Variants in BATF observed in about 807,000 individuals in gnomAD.
BATF encodes the protein basic leucine zipper ATF-like transcription factor.
Under a neutral mutation model 13.7 loss-of-function variants are expected in BATF, and 5 were observed. The ratio of observed to expected loss-of-function variants is 0.36; its 90% confidence interval spans 0.19 to 0.77. The LOEUF (loss-of-function observed/expected upper bound fraction) is 0.77. Ranked by LOEUF, BATF falls within the 30% of genes least tolerant of loss-of-function variation. BATF has a pLI of 0.51. For missense variants in BATF, 124 were observed against 163.0 expected, an observed-to-expected ratio of 0.76 and a Z score of 1.30; for synonymous variants, 72 against 67.5, an observed-to-expected ratio of 1.07 and a Z score of -0.33.
intron 2 of BATF, among the ~76,000 whole-genome samples, chr14:75,525,429 A>G (rs1212916084): frequency 1.3e-5 from 2 of 151,858 alleles, no homozygotes; most frequent in African/African-American, 4.8e-5. Context: ...TTGGGAGGCC[A>G]AGGCGGGTGG....
At chr14:75,530,030 C>G (rs531638289) in intron 2 of BATF, among the ~76,000 whole-genome samples, 21 of 144,160 alleles carry the variant, frequency 1.5e-4, no homozygotes, top group Non-Finnish European at 2.1e-4. Flanking sequence ...CGCCACTGCA[C>G]TCCAGCCTGG....
intron 2 of BATF, among the ~76,000 whole-genome samples, chr14:75,544,256 A>T (rs1455669118): frequency 1.3e-5 from 2 of 152,032 alleles, no homozygotes; most frequent in Non-Finnish European, 2.9e-5. Context: ...AAAAAAAATT[A>T]TTATTATTTT....
chr14:75,526,300 C>G (rs1887653928), intron 2 of BATF, among the ~76,000 whole-genome samples: 1 of 152,208 alleles, frequency 6.6e-6, no homozygotes, highest in South Asian at 2.1e-4. Context: ...TTCTCTCCAT[C>G]CCCTCATCCC....
chr14:75,539,575 C>T (rs1887866940), intron 2 of BATF, among the ~76,000 whole-genome samples: 1 of 151,814 alleles, frequency 6.6e-6, no homozygotes, highest in Admixed American at 6.6e-5. Flanking sequence ...TCTTGAAAAC[C>T]AAGGACCAGG....
chr14:75,542,539 C>T (rs72723624), intron 2 of BATF, among the ~76,000 whole-genome samples: 13,374 of 152,298 alleles, frequency 0.088, 724 homozygotes, highest in Non-Finnish European at 0.13. Context: ...TTCAGCTGGG[C>T]GAGCCCTTTC....
chr14:75,531,731 T>C (rs1051350545), intron 2 of BATF, among the ~76,000 whole-genome samples: 3 of 152,218 alleles, frequency 2.0e-5, no homozygotes, highest in South Asian at 2.1e-4. Context: ...GTATTTACAA[T>C]TGGAGAAAAA....
intron 2 of BATF, among the ~76,000 whole-genome samples, chr14:75,543,626 G>A (rs1887935982): frequency 2.0e-5 from 3 of 152,010 alleles, no homozygotes; most frequent in Admixed American, 2.0e-4. Context: ...CTGGAGTGCA[G>A]TGGCATGATC....
chr14:75,529,861 G>C (rs58774785), intron 2 of BATF, among the ~76,000 whole-genome samples: 4,688 of 152,110 alleles, frequency 0.031, 237 homozygotes, highest in African/African-American at 0.1. Context: ...TCAGCAGATC[G>C]AGACCATCCT....
chr14:75,528,327 C>T (rs548926341), intron 2 of BATF, among the ~76,000 whole-genome samples: 2 of 152,314 alleles, frequency 1.3e-5, no homozygotes, highest in African/African-American at 4.8e-5. Context: ...CTATTATCAA[C>T]CTTAAAATAC....
rs115379270 is a variant in BATF at position 75,535,938 on chromosome 14, T to G, written c.169-10524T>G. ...ATGTCTTATCATTAAGAGAGTAGGA[T>G]GACACAGAAAATTATAAAGCAAAGG... On this transcript the variant is annotated intron_variant, in intron 2 of 2. Coordinates refer to ENST00000286639, the MANE Select transcript of BATF (RefSeq NM_006399.5). 3.7e-3 allele frequency among the ~76,000 whole-genome samples: 564 copies of G among 152,268 alleles called. 5 individuals are homozygous for G. The highest frequency in any genetic ancestry group is 0.013 in the African/African-American group (534 of 41,546).
chr14:75,522,669 G>T lies in BATF; in HGVS notation c.-14G>T. ...TGCCTGGGGCTGAGTGTGAGAGCCC[G>T]GAAGATTTCAGCCATGCCTCACAGC... On this transcript the variant is annotated 5_prime_UTR_variant, in exon 1 of 3. Transcript: ENST00000286639. 1 of 1,614,090 alleles carries T rather than the reference G, an allele frequency of 6.2e-7. No homozygotes were observed. The highest frequency in any genetic ancestry group is 2.2e-5 in the East Asian group (1 of 44,878).
chr14:75,536,473 C>T (rs1887817839), intron 2 of BATF, among the ~76,000 whole-genome samples: 1 of 152,122 alleles, frequency 6.6e-6, no homozygotes, highest in Admixed American at 6.6e-5. Context: ...CACCTGTAAT[C>T]CCAGCACTTT....
intron 2 of BATF, among the ~76,000 whole-genome samples, chr14:75,528,237 A>C (rs1371543574): frequency 4.6e-5 from 7 of 152,224 alleles, no homozygotes; most frequent in African/African-American, 1.7e-4. Context: ...TGAGAGTACC[A>C]TATCAAAAAA....
chr14:75,533,667 G>A (rs960305191), intron 2 of BATF, among the ~76,000 whole-genome samples: 2 of 152,078 alleles, frequency 1.3e-5, no homozygotes, highest in Non-Finnish European at 2.9e-5. Context: ...GGAGGGGTGG[G>A]TTGGGTCCAC....
chr14:75,535,940 A>T (rs1887810057), intron 2 of BATF, among the ~76,000 whole-genome samples: 1 of 152,254 alleles, frequency 6.6e-6, no homozygotes, highest in Admixed American at 6.5e-5. Flanking sequence ...GAGTAGGATG[A>T]CACAGAAAAT....
At chr14:75,527,848 G>T (rs1405440940) in intron 2 of BATF, among the ~76,000 whole-genome samples, 2 of 152,112 alleles carry the variant, frequency 1.3e-5, no homozygotes, top group Non-Finnish European at 2.9e-5. Flanking sequence ...TTTACCTTTT[G>T]CCCAATGAGT....
In BATF at chr14:75,537,547, A is replaced by C. The variant is rs553320537; in HGVS notation, c.169-8915A>C. On this transcript the variant is annotated intron_variant, in intron 2 of 2. Coordinates refer to ENST00000286639, the MANE Select transcript of BATF (RefSeq NM_006399.5). ...GAAGACAATAATAGCTCCTGCCCTC[A>C]CAGAGCTCAACAATGTAAATGGTAA... 2.6e-5 allele frequency among the ~76,000 whole-genome samples: 4 copies of C among 152,332 alleles called. No homozygotes were observed. In the South Asian group the frequency reaches 8.3e-4, roughly 32 times the overall value.
At chr14:75,538,694 G>A (rs1432464745) in intron 2 of BATF, among the ~76,000 whole-genome samples, 3 of 152,224 alleles carry the variant, frequency 2.0e-5, no homozygotes, top group Non-Finnish European at 2.9e-5. Flanking sequence ...GAGGTCAGGA[G>A]ATCGAGACCA....
Position 75,524,407 on chromosome 14 carries a change from A to T in BATF, c.64-677A>T, listed in dbSNP as rs1043918386. Among the ~76,000 whole-genome samples, 8 of 152,212 alleles carry T rather than the reference A, an allele frequency of 5.3e-5. No individual in the cohort carries two copies. In the South Asian group the frequency reaches 6.2e-4, roughly 12 times the overall value. The stretch of plus-strand genomic sequence containing the variant: ...GAAGGAAAGAGGAGGCAGATCTGGG[A>T]TGCACCCTCAGCTCAGGAATGCAGC... On this transcript the variant is annotated intron_variant, in intron 1 of 2. Transcript: ENST00000286639.
Sources: allele counts gnomAD v4.1 joint callset (sites outside exome capture counted in the v4.1 genomes callset), GRCh38; gene constraint gnomAD v4.1.1; transcripts MANE v1.5; gene names NCBI Gene and HGNC (gene_info 2026-07-23, HGNC 2026-07-21).